Variants in PPARD observed in about 807,000 individuals in gnomAD.
The protein encoded by PPARD is peroxisome proliferator-activated receptor delta.
A neutral mutation model predicts 39.5 loss-of-function variants in PPARD; 6 were observed. That is an observed-to-expected ratio of 0.15 (90% CI 0.08 to 0.30). The LOEUF is 0.30. Ranked by LOEUF, PPARD falls within the 10% of genes least tolerant of loss-of-function variation. The pLI is 1.00. For missense variants in PPARD, 397 were observed against 596.8 expected, an observed-to-expected ratio of 0.67 and a Z score of 3.49; for synonymous variants, 210 against 231.3, an observed-to-expected ratio of 0.91 and a Z score of 0.83.
chr6:35,359,146 A>G (rs1761788446), intron 2 of PPARD, among the ~76,000 whole-genome samples: 1 of 152,236 alleles, frequency 6.6e-6, no homozygotes, highest in Admixed American at 6.5e-5. Flanking sequence ...TGTTCAACGC[A>G]TAGCGAGGAG....
chr6:35,411,674 C>G (rs1765438879), intron 3 of PPARD, among the ~76,000 whole-genome samples: 1 of 152,090 alleles, frequency 6.6e-6, no homozygotes, highest in African/African-American at 2.4e-5. Flanking sequence ...CATCATTGAG[C>G]CGTATCATAA....
chr6:35,425,070 C>CGAAACCA lies in PPARD; in HGVS notation c.1078+293_1078+299dup, dbSNP rs1164609683. On this transcript the variant is annotated intron_variant, in intron 7 of 7. Coordinates refer to ENST00000360694, the MANE Select transcript of PPARD (RefSeq NM_006238.5). This position sits in a 1 kb window ranked among gnomAD's most constrained non-coding sequence, Gnocchi z 4.5. ...GGTGGATCACTTGAGGTCAGGAGTTCGAAACCAGCCTGGCCAACATGGTGA... is the reference window on the plus strand; with the variant it reads ...GGTGGATCACTTGAGGTCAGGAGTTCGAAACCAGAAACCAGCCTGGCCAACATGGTGA... 4 of 1,110,076 alleles carry CGAAACCA rather than the reference C, an allele frequency of 3.6e-6. No individual in the cohort carries two copies. The highest frequency in any genetic ancestry group is 4.5e-6 in the Non-Finnish European group (4 of 880,172). 68.8% of individuals were successfully genotyped at this position (1,110,076 alleles called of 1,614,324 possible). A position where few individuals can be genotyped will look rare whatever the true frequency, so the allele number is the denominator to read the frequency against.
In PPARD at chr6:35,422,322, G is replaced by A. The variant is rs9658158; in HGVS notation, c.424+364G>A. ...AGCCTGTCTCAGATGACCTGACACA[G>A]CATGAAAGCTACTGCCAAGGCCAGG... On this transcript the variant is annotated intron_variant, in intron 5 of 7. Coordinates refer to ENST00000360694, the MANE Select transcript of PPARD (RefSeq NM_006238.5). Among the ~76,000 whole-genome samples the A allele has an allele frequency of 8.5e-5, 13 of 152,314 alleles. No homozygotes were observed. The East Asian group carries it at 2.5e-3, about 29-fold the overall frequency.
chr6:35,379,829 G>A (rs1763039167), intron 2 of PPARD, among the ~76,000 whole-genome samples: 1 of 152,204 alleles, frequency 6.6e-6, no homozygotes, highest in Admixed American at 6.5e-5. Context: ...CCCCAAATGT[G>A]CTCTCTCTTG....
chr6:35,355,584 TTC>T (rs1761534986), intron 2 of PPARD, among the ~76,000 whole-genome samples: 1 of 98,070 alleles, frequency 1.0e-5, no homozygotes. Context: ...AAAAAGTGCT[TTC>T]TTCTTCTTCT....
chr6:35,397,441 G>A (rs1006376075), intron 2 of PPARD: 2 of 729,344 alleles, frequency 2.7e-6, no homozygotes, highest in Non-Finnish European at 3.4e-6. Context: ...TTCTAGATTC[G>A]CTCTCCACCA....
At chr6:35,396,330 G>A (rs200587642) in intron 2 of PPARD, among the ~76,000 whole-genome samples, 1 of 150,704 alleles carries the variant, frequency 6.6e-6, no homozygotes, top group Non-Finnish European at 1.5e-5. Flanking sequence ...TCAGCCTCCC[G>A]AGTAGCTGGG....
intron 2 of PPARD, among the ~76,000 whole-genome samples, chr6:35,386,771 C>G (rs532870683): frequency 6.6e-6 from 1 of 152,024 alleles, no homozygotes; most frequent in African/African-American, 2.4e-5. Context: ...AGAGACAGAC[C>G]TAGCCTTGCA....
At chr6:35,362,725 C>T (rs1761992772) in intron 2 of PPARD, among the ~76,000 whole-genome samples, 1 of 152,054 alleles carries the variant, frequency 6.6e-6, no homozygotes, top group South Asian at 2.1e-4. Context: ...AGGGACCTCT[C>T]TGAAACAGCA....
At chr6:35,381,912 A>G (rs1311877683) in intron 2 of PPARD, among the ~76,000 whole-genome samples, 1 of 152,226 alleles carries the variant, frequency 6.6e-6, no homozygotes, top group East Asian at 1.9e-4. Flanking sequence ...TAAGTAAACA[A>G]GTACAGTACA....
At chr6:35,411,322 G>A (rs1765412820) in intron 3 of PPARD, 105 bp downstream of exon 3, 2 of 1,293,340 alleles carry the variant, frequency 1.5e-6, no homozygotes, top group Non-Finnish European at 2.0e-6. Context: ...CAGAGTAGCA[G>A]AGTGCTGAAG....
chr6:35,381,654 C>T (rs1429428850), intron 2 of PPARD, among the ~76,000 whole-genome samples: 1 of 152,098 alleles, frequency 6.6e-6, no homozygotes, highest in Non-Finnish European at 1.5e-5. Flanking sequence ...CCTGCAAGTC[C>T]CACCAAATAG....
chr6:35,410,434 C>A (rs1025431477), intron 2 of PPARD, among the ~76,000 whole-genome samples: 1 of 152,184 alleles, frequency 6.6e-6, no homozygotes, highest in Admixed American at 6.5e-5. Context: ...GCTATTGAGG[C>A]CATGGTTGCA....
intron 2 of PPARD, among the ~76,000 whole-genome samples, chr6:35,388,333 A>G (rs1763802827): frequency 6.6e-6 from 1 of 152,224 alleles, no homozygotes; most frequent in Non-Finnish European, 1.5e-5. Flanking sequence ...GCATCTGCAG[A>G]GGAGCCTGGT....
At chr6:35,415,638 T>A (rs1317615047) in intron 3 of PPARD, among the ~76,000 whole-genome samples, 1 of 152,194 alleles carries the variant, frequency 6.6e-6, no homozygotes, top group Non-Finnish European at 1.5e-5. Flanking sequence ...ATAATGTTAT[T>A]GATTAGCGGT....
intron 2 of PPARD, among the ~76,000 whole-genome samples, chr6:35,390,657 T>C (rs949117101): frequency 1.3e-5 from 2 of 152,034 alleles, no homozygotes; most frequent in Non-Finnish European, 2.9e-5. Context: ...GTGATAAAAT[T>C]TCAGAGGTGT....
chr6:35,359,578 T>C (rs4713853), intron 2 of PPARD, among the ~76,000 whole-genome samples: 42,767 of 151,930 alleles, frequency 0.28, 11,227 homozygotes, highest in African/African-American at 0.69. Flanking sequence ...CCAACCCCCC[T>C]GGCCCGCTGT....
At chr6:35,423,654 C>T (rs1364816719) in intron 5 of PPARD, among the ~76,000 whole-genome samples, 3 of 152,144 alleles carry the variant, frequency 2.0e-5, no homozygotes, top group Non-Finnish European at 4.4e-5. Context: ...CTTACCCCAG[C>T]TAGCGTAGCT....
Position 35,426,853 on chromosome 6 carries a change from G to C in PPARD, c.*774G>C, listed in dbSNP as rs1766607079. On this transcript the variant is annotated 3_prime_UTR_variant, in exon 8 of 8. Transcript: ENST00000360694. ...CCAGTGTCCTTCCATCTTCACACTG[G>C]TTTGCCAGGCCAATGTTGCTGATGG... 6.6e-6 allele frequency: 1 copy of C among 152,484 alleles called. No individual in the cohort carries two copies. Among genetic ancestry groups the C allele is most frequent in the African/African-American group, 2.4e-5 (1 of 41,462 alleles). 9.4% of individuals were successfully genotyped at this position (152,484 alleles called of 1,614,324 possible). A position where few individuals can be genotyped will look rare whatever the true frequency, so the allele number is the denominator to read the frequency against.
Sources: gnomAD v4.1 joint callset for allele counts (sites outside exome capture counted in the v4.1 genomes callset) on GRCh38, gnomAD v4.1.1 for gene constraint, Gnocchi (gnomAD v3.1) non-coding constraint, MANE v1.5 for transcripts, NCBI Gene and HGNC (gene_info 2026-07-23, HGNC 2026-07-21) for gene names.